The following SLC35F4 variants were observed in gnomAD, a reference collection of about 807,000 sequenced individuals.
The protein encoded by SLC35F4 is solute carrier family 35 member F4.
A neutral mutation model predicts 44.2 loss-of-function variants in SLC35F4; 24 were observed. That is an observed-to-expected ratio of 0.54 (90% confidence interval 0.39 to 0.76). The LOEUF is 0.76. Among genes scored for constraint, SLC35F4 ranks in the 30% least tolerant of loss-of-function variants. The probability of loss-of-function intolerance (pLI) is 0.00; values close to 1 mark genes in which losing one functional copy is unlikely to be tolerated. For synonymous variants in SLC35F4, 238 were observed against 223.6 expected, an observed-to-expected ratio of 1.06 and a Z score of -0.57; for missense variants, 562 against 586.1, an observed-to-expected ratio of 0.96 and a Z score of 0.42.
At chr14:57,625,579 C>T (rs2072432314) in intron 1 of SLC35F4, among the ~76,000 whole-genome samples, 1 of 152,170 alleles carries the variant, frequency 6.6e-6, no homozygotes, top group African/African-American at 2.4e-5. Context: ...AACCAAACAG[C>T]ATGGTACTGG....
intron 1 of SLC35F4, among the ~76,000 whole-genome samples, chr14:57,834,886 A>G (rs6573171): frequency 0.44 from 66,319 of 152,058 alleles, 17,973 homozygotes; most frequent in African/African-American, 0.75. Flanking sequence ...AAAATTAACT[A>G]GGTATGGTGG....
intron 1 of SLC35F4, among the ~76,000 whole-genome samples, chr14:57,758,046 T>G (rs2077038384): frequency 6.6e-6 from 1 of 150,386 alleles, no homozygotes; most frequent in Admixed American, 6.6e-5. Context: ...TGTGTGTTAT[T>G]TTAATACTTT....
chr14:57,965,245 C>A (rs374904075), intron 1 of SLC35F4, among the ~76,000 whole-genome samples: 1 of 152,136 alleles, frequency 6.6e-6, no homozygotes, highest in Non-Finnish European at 1.5e-5. Flanking sequence ...CAGCAGCCAG[C>A]ACTCCTTGAG....
At chr14:57,574,775 C>T (rs951093543) in intron 4 of SLC35F4, among the ~76,000 whole-genome samples, 3 of 152,106 alleles carry the variant, frequency 2.0e-5, no homozygotes, top group African/African-American at 7.2e-5. Flanking sequence ...CTGCTTGGCA[C>T]CACTGGTTTA....
chr14:57,573,050 G>A (rs1188295060), intron 4 of SLC35F4, among the ~76,000 whole-genome samples: 3 of 152,210 alleles, frequency 2.0e-5, no homozygotes, highest in Non-Finnish European at 2.9e-5. Flanking sequence ...TCAGTTCTGA[G>A]TATTCCCAGT....
chr14:57,972,803 G>T (rs537327705), downstream of SLC35F4, among the ~76,000 whole-genome samples: 1 of 152,118 alleles, frequency 6.6e-6, no homozygotes, highest in African/African-American at 2.4e-5. Flanking sequence ...CTCCATTCTC[G>T]TACCTTCTGG....
At chr14:57,954,619 A>G in intron 1 of SLC35F4, among the ~76,000 whole-genome samples, 1 of 152,188 alleles carries the variant, frequency 6.6e-6, no homozygotes, top group East Asian at 1.9e-4. Flanking sequence ...CACTAATACA[A>G]ACTACCATCA....
chr14:57,844,404 T>C (rs529753828), intron 1 of SLC35F4, among the ~76,000 whole-genome samples: 1 of 152,330 alleles, frequency 6.6e-6, no homozygotes, highest in East Asian at 1.9e-4. Context: ...GGACTTCTGT[T>C]TCTGAAGAGA....
At chr14:57,654,664 T>C (rs766001935) in intron 1 of SLC35F4, among the ~76,000 whole-genome samples, 19 of 152,224 alleles carry the variant, frequency 1.2e-4, no homozygotes, top group Middle Eastern at 3.2e-3. Flanking sequence ...TAAGGAACCT[T>C]CATACTGTTT....
chr14:57,669,058 T>G (rs2074418620), intron 1 of SLC35F4, among the ~76,000 whole-genome samples: 1 of 152,126 alleles, frequency 6.6e-6, no homozygotes, highest in African/African-American at 2.4e-5. Flanking sequence ...CCCCTGTAAG[T>G]TGGATTCCTA....
intron 1 of SLC35F4, among the ~76,000 whole-genome samples, chr14:57,625,147 C>G (rs980546892): frequency 1.3e-5 from 2 of 152,098 alleles, no homozygotes; most frequent in Non-Finnish European, 2.9e-5. Context: ...CACAAGCATT[C>G]CTATACACCA....
chr14:57,951,873 A>G (rs951475986), intron 1 of SLC35F4, among the ~76,000 whole-genome samples: 1 of 152,160 alleles, frequency 6.6e-6, no homozygotes, highest in Non-Finnish European at 1.5e-5. Flanking sequence ...GCAGACTTAG[A>G]TGTTTCTGCC....
intron 2 of SLC35F4, among the ~76,000 whole-genome samples, chr14:57,590,984 G>A (rs1289030128): frequency 6.6e-6 from 1 of 152,206 alleles, no homozygotes; most frequent in East Asian, 1.9e-4. Context: ...CCTTGAAAGT[G>A]AATTCTCCAC....
rs564134472 is a variant in SLC35F4 at position 57,722,026 on chromosome 14, T to C, written c.104-127902A>G. ...GGGCCTCCAGAGGTGAGGTTGAGAG[T>C]GTGACCCATGAGGAGGTACACTACA... On this transcript the variant is annotated intron_variant, in intron 1 of 7. Coordinates refer to ENST00000556826, the MANE Select transcript of SLC35F4 (RefSeq NM_001306087.2). Among the ~76,000 whole-genome samples the C allele has an allele frequency of 2.0e-5, 3 of 152,222 alleles. No homozygotes were observed. The East Asian group carries it at 5.8e-4, about 29-fold the overall frequency.
At chr14:57,865,571 G>C (rs77375107) in intron 1 of SLC35F4, among the ~76,000 whole-genome samples, 152 bp downstream of exon 1, 10 of 152,038 alleles carry the variant, frequency 6.6e-5, no homozygotes, top group Non-Finnish European at 1.5e-4. Flanking sequence ...TTTTCTCCCC[G>C]GGGGGTCCCC....
chr14:57,957,219 C>T (rs879092708), intron 1 of SLC35F4, among the ~76,000 whole-genome samples: 3 of 151,864 alleles, frequency 2.0e-5, no homozygotes, highest in Non-Finnish European at 2.9e-5. Context: ...TGTTCTCACT[C>T]ATAAGTGGGA....
chr14:57,765,417 T>C (rs2077213511), intron 1 of SLC35F4, among the ~76,000 whole-genome samples: 1 of 152,216 alleles, frequency 6.6e-6, no homozygotes, highest in African/African-American at 2.4e-5. Context: ...AGGCAAAAAG[T>C]TGGCCACAAA....
chr14:57,890,170 A>G (rs968267591), intron 1 of SLC35F4, among the ~76,000 whole-genome samples: 2 of 152,200 alleles, frequency 1.3e-5, no homozygotes, highest in Non-Finnish European at 2.9e-5. Context: ...TCATGAGAAC[A>G]ACATGCTTTG....
intron 1 of SLC35F4, among the ~76,000 whole-genome samples, chr14:57,961,265 C>G (rs1206235886): frequency 6.6e-6 from 1 of 152,130 alleles, no homozygotes; most frequent in Non-Finnish European, 1.5e-5. Flanking sequence ...TTTAATAATT[C>G]ATTGGCTTAC....
Sources: allele counts gnomAD v4.1 joint callset (sites outside exome capture counted in the v4.1 genomes callset), GRCh38; gene constraint gnomAD v4.1.1; transcripts MANE v1.5; gene names NCBI Gene and HGNC (gene_info 2026-07-23, HGNC 2026-07-21).